Variants in STAM observed in about 807,000 individuals in gnomAD.
STAM encodes signal transducing adapter molecule 1.
Under a neutral mutation model 63.4 loss-of-function variants are expected in STAM, and 16 were observed. The ratio of observed to expected loss-of-function variants is 0.25; its 90% CI spans 0.17 to 0.38. STAM has a LOEUF of 0.38. STAM is among the 10% of genes least tolerant of loss of function. The pLI is 1.00. For synonymous variants in STAM, 238 were observed against 223.9 expected, an observed-to-expected ratio of 1.06 and a Z score of -0.56; for missense variants, 636 against 657.1, an observed-to-expected ratio of 0.97 and a Z score of 0.35.
intron 7 of STAM, 85 bp from the exon 8 acceptor site, chr10:17,696,690 G>T: frequency 1.1e-6 from 1 of 929,630 alleles, no homozygotes. Context: ...TTTTGTAATA[G>T]TGTAAGTTGA....
intron 12 of STAM, 55 bp downstream of exon 12, chr10:17,705,796 G>A: frequency 2.6e-6 from 4 of 1,548,802 alleles, no homozygotes; most frequent in Non-Finnish European, 2.6e-6. Context: ...AGTGAGGTGT[G>A]GTAGCTCATG....
At chr10:17,652,265 T>C (rs1833770551) in intron 1 of STAM, among the ~76,000 whole-genome samples, 1 of 152,178 alleles carries the variant, frequency 6.6e-6, no homozygotes, top group South Asian at 2.1e-4. Flanking sequence ...AAATACTTGT[T>C]CTTTTATAAC....
chr10:17,665,849 G>A (rs375511561), intron 2 of STAM, among the ~76,000 whole-genome samples: 61 of 151,636 alleles, frequency 4.0e-4, no homozygotes, highest in African/African-American at 7.5e-4. Context: ...TTTTTCTAAC[G>A]TCTCAAGATA....
At chr10:17,710,210 G>GT in intron 13 of STAM, among the ~76,000 whole-genome samples, 1 of 152,032 alleles carries the variant, frequency 6.6e-6, no homozygotes, top group Non-Finnish European at 1.5e-5. Context: ...TACCTTCCTT[G>GT]TTACTAGAGA....
intron 1 of STAM, among the ~76,000 whole-genome samples, chr10:17,658,222 G>T (rs1240702240): frequency 5.3e-5 from 8 of 151,718 alleles, no homozygotes; most frequent in Non-Finnish European, 1.2e-4. Flanking sequence ...TTGTTTAAAA[G>T]TGTGTTAGTC....
chr10:17,680,807 A>G (rs1332089525), intron 2 of STAM, among the ~76,000 whole-genome samples: 1 of 152,174 alleles, frequency 6.6e-6, no homozygotes, highest in Non-Finnish European at 1.5e-5. Flanking sequence ...TTTAAAGTTC[A>G]TCCCTGTTAT....
chr10:17,704,887 C>A, intron 10 of STAM, 83 bp from the exon 11 acceptor site: 1 of 1,183,076 alleles, frequency 8.5e-7, no homozygotes, highest in South Asian at 1.4e-5. Flanking sequence ...TCTTTTATTC[C>A]TTAAATTATA....
At chr10:17,653,784 T>C (rs1172930285) in intron 1 of STAM, among the ~76,000 whole-genome samples, 1 of 152,210 alleles carries the variant, frequency 6.6e-6, no homozygotes, top group Non-Finnish European at 1.5e-5. Flanking sequence ...TGCCATTTTA[T>C]ATTAGGGACT....
intron 2 of STAM, among the ~76,000 whole-genome samples, chr10:17,677,887 G>A (rs1834918978): frequency 6.6e-6 from 1 of 152,030 alleles, no homozygotes; most frequent in African/African-American, 2.4e-5. Context: ...TTATTACAGT[G>A]CTAACTAATT....
At chr10:17,692,161 G>A (rs11813893) in intron 5 of STAM, among the ~76,000 whole-genome samples, 1 of 152,146 alleles carries the variant, frequency 6.6e-6, no homozygotes, top group African/African-American at 2.4e-5. Flanking sequence ...AATTTGCCCA[G>A]TGTCATCCAG....
chr10:17,694,173 G>A (rs1048192337), intron 6 of STAM, among the ~76,000 whole-genome samples: 6 of 152,024 alleles, frequency 3.9e-5, no homozygotes, highest in Non-Finnish European at 8.8e-5. Context: ...TGTAATTATT[G>A]TAGGTATCTA....
At chr10:17,688,467 G>T (rs1835386202) in intron 5 of STAM, among the ~76,000 whole-genome samples, 1 of 151,976 alleles carries the variant, frequency 6.6e-6, no homozygotes, top group East Asian at 1.9e-4. Flanking sequence ...TATAGTTTTT[G>T]TTTGTTTGTT....
chr10:17,705,436 T>C (rs1836216690), intron 11 of STAM, 152 bp from the exon 12 acceptor site: 2 of 954,336 alleles, frequency 2.1e-6, no homozygotes, highest in Non-Finnish European at 3.0e-6. Flanking sequence ...GCTTCAGGGC[T>C]AAAATGCAGG....
chr10:17,657,676 A>G (rs1833994240), intron 1 of STAM, among the ~76,000 whole-genome samples: 1 of 152,162 alleles, frequency 6.6e-6, no homozygotes, highest in Non-Finnish European at 1.5e-5. Flanking sequence ...TGTTTCTTGT[A>G]TGTATTTCAG....
chr10:17,668,442 A>G (rs1407151833), intron 2 of STAM, among the ~76,000 whole-genome samples: 3 of 152,248 alleles, frequency 2.0e-5, no homozygotes, highest in Admixed American at 6.5e-5. Flanking sequence ...ATACATTACT[A>G]TTAACTAAAG....
At chr10:17,709,932 GAA>G (rs1313178735) in intron 13 of STAM, among the ~76,000 whole-genome samples, 2 of 128,702 alleles carry the variant, frequency 1.6e-5, no homozygotes, top group African/African-American at 3.0e-5. Context: ...CTGTATCTTA[GAA>G]AAAAGTGTTA....
chr10:17,644,154 T>TGCTGTTGCCGCCGCCGCA lies in STAM; in HGVS notation c.-181_-164dup, dbSNP rs1833418805. 1.6e-6 allele frequency: 1 copy of TGCTGTTGCCGCCGCCGCA among 640,468 alleles called. No homozygotes were observed. The highest frequency in any genetic ancestry group is 2.8e-6 in the Non-Finnish European group (1 of 360,408). The allele number at this position is 640,468 out of a possible 1,614,324, so 39.7% of individuals were successfully genotyped here. ...CCGCGCGGGGGCTTCCTCGGCTCCT[T>TGCTGTTGCCGCCGCCGCA]GCTGTTGCCGCCGCCGCAGCTGCTG... On this transcript the variant is annotated 5_prime_UTR_variant, in exon 1 of 14. Transcript: ENST00000377524.
intron 13 of STAM, 111 bp from the exon 14 acceptor site, chr10:17,714,432 A>G (rs887702017): frequency 6.9e-6 from 7 of 1,020,788 alleles, no homozygotes; most frequent in African/African-American, 1.6e-5. Flanking sequence ...GTAAAAGGTT[A>G]TTAAATGAAT....
At chr10:17,673,438 T>C (rs1220597924) in intron 2 of STAM, among the ~76,000 whole-genome samples, 1 of 152,248 alleles carries the variant, frequency 6.6e-6, no homozygotes, top group Non-Finnish European at 1.5e-5. Context: ...TCAGCCACGT[T>C]GAAGGCACAA....
Sources: allele counts gnomAD v4.1 joint callset (sites outside exome capture counted in the v4.1 genomes callset), GRCh38; gene constraint gnomAD v4.1.1; transcripts MANE v1.5; gene names NCBI Gene and HGNC (gene_info 2026-07-23, HGNC 2026-07-21).